The following FSTL5 variants were observed in gnomAD, a reference collection of about 807,000 sequenced individuals.
The protein encoded by FSTL5 is follistatin like 5.
In FSTL5, 62 loss-of-function variants were observed where a neutral mutation model predicts 89.1. That is an observed-to-expected ratio of 0.70 (90% CI 0.57 to 0.86). FSTL5 has a LOEUF of 0.86. Ranked by LOEUF, FSTL5 falls within the 40% of genes least tolerant of loss-of-function variation. The probability of loss-of-function intolerance (pLI) is 0.00; values close to 1 mark genes in which losing one functional copy is unlikely to be tolerated. For missense variants in FSTL5, 1,057 were observed against 1,001.6 expected (o/e 1.06, Z -0.75); for synonymous variants, 383 against 346.2 (o/e 1.11, Z -1.18).
At chr4:161,832,478 T>C (rs968085794) in intron 4 of FSTL5, among the ~76,000 whole-genome samples, 1 of 152,204 alleles carries the variant, frequency 6.6e-6, no homozygotes, top group African/African-American at 2.4e-5. Flanking sequence ...CTTGTACTTC[T>C]GGTAGAATTC....
intron 1 of FSTL5, among the ~76,000 whole-genome samples, chr4:162,136,472 A>G (rs1344513096): frequency 2.6e-5 from 4 of 152,056 alleles, no homozygotes; most frequent in Admixed American, 2.6e-4. Flanking sequence ...GGAGTTGTAG[A>G]TATAAGGGTT....
intron 2 of FSTL5, among the ~76,000 whole-genome samples, chr4:162,056,413 C>T (rs939440406): frequency 6.6e-6 from 1 of 151,114 alleles, no homozygotes; most frequent in African/African-American, 2.5e-5. Context: ...GATAGCAAAT[C>T]CAGTTATGAG....
At chr4:162,057,905 T>C (rs149487554) in intron 2 of FSTL5, among the ~76,000 whole-genome samples, 153 of 152,092 alleles carry the variant, frequency 1.0e-3, no homozygotes, top group African/African-American at 3.3e-3. Context: ...GATCACATCA[T>C]TGCACTCCAG....
intron 6 of FSTL5, among the ~76,000 whole-genome samples, chr4:161,667,140 C>T (rs1008578163): frequency 4.6e-5 from 7 of 151,912 alleles, no homozygotes; most frequent in African/African-American, 1.7e-4. Context: ...CTTTGACATT[C>T]TTTTAGTGGT....
At chr4:161,635,204 T>C (rs1428854991) in intron 7 of FSTL5, among the ~76,000 whole-genome samples, 1 of 152,062 alleles carries the variant, frequency 6.6e-6, no homozygotes, top group Non-Finnish European at 1.5e-5. Context: ...CTGGCCAAGA[T>C]GGTAAAACCC....
At position 161,565,742 on chromosome 4, in the gene FSTL5, G is replaced by GACACACACACACACAC. The variant is rs145835055; in HGVS notation, c.1015+21697_1015+21712dup. Among the ~76,000 whole-genome samples, 198 of 133,664 alleles carry GACACACACACACACAC rather than the reference G, an allele frequency of 1.5e-3. 1 individual carries two copies. The highest frequency in any genetic ancestry group is 0.012 in the Middle Eastern group (3 of 254). The allele number at this position is 133,664 out of a possible 152,430, so 87.7% of individuals were successfully genotyped here. On this transcript the variant is annotated intron_variant, in intron 8 of 15. Coordinates refer to ENST00000306100, the MANE Select transcript of FSTL5 (RefSeq NM_020116.5). Reference sequence around the variant, plus strand: ...TTCTTGTGAACGTAGTATAACTTGAGACACACACACACACACACACACACA... The same window carrying GACACACACACACACAC: ...TTCTTGTGAACGTAGTATAACTTGAGACACACACACACACACACACACACACACACACACACACACA...
intron 7 of FSTL5, among the ~76,000 whole-genome samples, chr4:161,647,271 G>T (rs965077774): frequency 1.3e-5 from 2 of 152,084 alleles, no homozygotes; most frequent in Non-Finnish European, 2.9e-5. Context: ...TTTCTCCACT[G>T]TGTATTTTTG....
intron 4 of FSTL5, among the ~76,000 whole-genome samples, chr4:161,916,623 T>A (rs1377739332): frequency 6.6e-6 from 1 of 152,148 alleles, no homozygotes; most frequent in Non-Finnish European, 1.5e-5. Flanking sequence ...TATTTCATAA[T>A]CAAATAAATG....
At chr4:161,594,657 A>T (rs2126615686) in intron 7 of FSTL5, among the ~76,000 whole-genome samples, 1 of 152,148 alleles carries the variant, frequency 6.6e-6, no homozygotes, top group South Asian at 2.1e-4. Context: ...GAATTAAAAT[A>T]TTCCAGCCAA....
intron 10 of FSTL5, among the ~76,000 whole-genome samples, chr4:161,527,406 G>C (rs1403712239): frequency 6.6e-6 from 1 of 152,106 alleles, no homozygotes; most frequent in Non-Finnish European, 1.5e-5. Context: ...CTGACAAAGG[G>C]CTAATAGCCA....
intron 13 of FSTL5, among the ~76,000 whole-genome samples, chr4:161,466,555 A>G (rs1733754192): frequency 6.6e-6 from 1 of 152,158 alleles, no homozygotes; most frequent in South Asian, 2.1e-4. Context: ...GATAATACTT[A>G]AGAGTACTCC....
intron 3 of FSTL5, among the ~76,000 whole-genome samples, chr4:162,022,042 G>A (rs1224740627): frequency 1.3e-5 from 2 of 150,806 alleles, no homozygotes; most frequent in African/African-American, 4.9e-5. Flanking sequence ...AGTGGGCCGA[G>A]ATTGCACCAG....
At chr4:162,154,812 G>GTTT (rs58611928) in intron 1 of FSTL5, among the ~76,000 whole-genome samples, 1 of 150,596 alleles carries the variant, frequency 6.6e-6, no homozygotes. Flanking sequence ...AACTATGCAG[G>GTTT]TTTTTTTTTA....
chr4:161,829,304 A>G (rs1338284287), intron 4 of FSTL5, among the ~76,000 whole-genome samples: 3 of 151,026 alleles, frequency 2.0e-5, no homozygotes, highest in South Asian at 4.2e-4. Context: ...AAATAGGAAA[A>G]TATTAAACTA....
At chr4:161,615,151 G>A (rs935254426) in intron 7 of FSTL5, among the ~76,000 whole-genome samples, 1 of 151,844 alleles carries the variant, frequency 6.6e-6, no homozygotes, top group African/African-American at 2.4e-5. Context: ...AAAATTAGCC[G>A]GGTGTGGAAG....
intron 15 of FSTL5, among the ~76,000 whole-genome samples, chr4:161,448,750 C>G (rs1263666738): frequency 6.6e-6 from 1 of 152,054 alleles, no homozygotes; most frequent in African/African-American, 2.4e-5. Context: ...AATCCTTAGC[C>G]CCTTACTACC....
At chr4:161,715,084 G>T (rs1738929949) in intron 6 of FSTL5, among the ~76,000 whole-genome samples, 1 of 152,052 alleles carries the variant, frequency 6.6e-6, no homozygotes, top group African/African-American at 2.4e-5. Context: ...TATGAATCGA[G>T]CCAAAATTGC....
At position 162,015,667 on chromosome 4, in the gene FSTL5, C is replaced by T. The variant is rs72693230; in HGVS notation, c.160+17958G>A. On this transcript the variant is annotated intron_variant, in intron 3 of 15. Transcript: ENST00000306100. ...CTTCATACAGTTTTGTTAAAAATGT[C>T]CTGTGAAAACAAATAACTAACTAGT... Among the ~76,000 whole-genome samples, 856 of 152,222 alleles carry T rather than the reference C, an allele frequency of 5.6e-3. 6 individuals carry two copies. The highest frequency in any genetic ancestry group is 9.1e-3 in the Non-Finnish European group (617 of 68,014).
At chr4:161,745,600 C>T (rs1740171309) in intron 6 of FSTL5, among the ~76,000 whole-genome samples, 3 of 151,574 alleles carry the variant, frequency 2.0e-5, no homozygotes, top group Non-Finnish European at 2.9e-5. Flanking sequence ...AGGAAAAGGA[C>T]CTACACTTTT....
Sources: allele counts gnomAD v4.1 joint callset (sites outside exome capture counted in the v4.1 genomes callset), GRCh38; gene constraint gnomAD v4.1.1; transcripts MANE v1.5; gene names NCBI Gene and HGNC (gene_info 2026-07-23, HGNC 2026-07-21).